The following GALNT17 variants were observed in gnomAD, a reference collection of about 807,000 sequenced individuals.
GALNT17 encodes polypeptide N-acetylgalactosaminyltransferase 17, also known as UDP-GalNAc:polypeptide N-acetylgalactosaminyltransferase-like 3.
In GALNT17, 29 loss-of-function variants were observed where a neutral mutation model predicts 63.7. The ratio of observed to expected loss-of-function variants is 0.46; its 90% CI spans 0.34 to 0.62. The LOEUF (loss-of-function observed/expected upper bound fraction) is 0.62, where lower values mean the gene tolerates loss of function less well. Ranked by LOEUF, GALNT17 falls within the 20% of genes least tolerant of loss-of-function variation. The probability of loss-of-function intolerance (pLI) is 0.01; values close to 1 mark genes in which losing one functional copy is unlikely to be tolerated. For synonymous variants in GALNT17, 305 were observed against 318.3 expected, an observed-to-expected ratio of 0.96 and a Z score of 0.45; for missense variants, 603 against 799.6, an observed-to-expected ratio of 0.75 and a Z score of 2.97.
chr7:71,611,530 C>T (rs529413197), intron 6 of GALNT17, among the ~76,000 whole-genome samples: 1 of 152,296 alleles, frequency 6.6e-6, no homozygotes, highest in East Asian at 1.9e-4. Context: ...TTAGGAATCT[C>T]TCTGCTCCTC....
chr7:71,307,827 G>A (rs1407804029), intron 1 of GALNT17: 1 of 152,450 alleles, frequency 6.6e-6, no homozygotes, highest in Non-Finnish European at 1.5e-5. Context: ...ATGCTTATGA[G>A]TGAAGCATTT....
At chr7:71,281,814 A>G (rs937683821) in intron 1 of GALNT17, among the ~76,000 whole-genome samples, 1 of 152,194 alleles carries the variant, frequency 6.6e-6, no homozygotes, top group African/African-American at 2.4e-5. Context: ...TGTGGGAACA[A>G]TTTATGGTTT....
chr7:71,247,481 AG>A (rs1437634073), intron 1 of GALNT17, among the ~76,000 whole-genome samples: 1 of 151,810 alleles, frequency 6.6e-6, no homozygotes, highest in Non-Finnish European at 1.5e-5. Context: ...TTTGAGATGG[AG>A]TCTTTTTCTG....
intron 2 of GALNT17, among the ~76,000 whole-genome samples, chr7:71,380,705 AGGCAAGGCTCTGAGGTGGGAGGAGGCT>A (rs1393718260): frequency 4.6e-5 from 7 of 152,186 alleles, no homozygotes; most frequent in Non-Finnish European, 8.8e-5. Context: ...GTGATGGACG[AGGCAAGGCTCTGAGGTGGGAGGAGGCT>A]GGGATCCACA....
chr7:71,180,051 G>A (rs1239850099), intron 1 of GALNT17, among the ~76,000 whole-genome samples: 2 of 152,156 alleles, frequency 1.3e-5, no homozygotes, highest in East Asian at 3.9e-4. Flanking sequence ...CTTATTTAAA[G>A]CATACAATTT....
At chr7:71,488,154 C>A (rs1424578937) in intron 5 of GALNT17, among the ~76,000 whole-genome samples, 1 of 138,700 alleles carries the variant, frequency 7.2e-6, no homozygotes, top group African/African-American at 2.7e-5. Flanking sequence ...GGCAACAGAG[C>A]AAGACCCTAT....
chr7:71,444,775 C>T (rs1324073677), intron 5 of GALNT17, among the ~76,000 whole-genome samples: 1 of 152,050 alleles, frequency 6.6e-6, no homozygotes, highest in African/African-American at 2.4e-5. Context: ...TGCAGTGAGG[C>T]GAGATGGTGT....
chr7:71,587,701 G>A (rs187404276), intron 6 of GALNT17, among the ~76,000 whole-genome samples: 9 of 151,488 alleles, frequency 5.9e-5, no homozygotes, highest in Non-Finnish European at 7.4e-5. Context: ...TTTTTGTACT[G>A]AAAACATTAA....
chr7:71,390,722 G>GC (rs957788456), intron 3 of GALNT17, among the ~76,000 whole-genome samples: 5 of 151,984 alleles, frequency 3.3e-5, no homozygotes, highest in African/African-American at 4.8e-5. Context: ...TGTTCCTGTG[G>GC]CCCCCTTCAT....
intron 4 of GALNT17, among the ~76,000 whole-genome samples, 186 bp from the exon 5 acceptor site, chr7:71,420,722 A>G (rs867125081): frequency 2.6e-5 from 4 of 152,188 alleles, no homozygotes; most frequent in South Asian, 2.1e-4. Flanking sequence ...CACACGCTTC[A>G]CAGCCCAGGA....
At chr7:71,423,266 C>T (rs553668587) in intron 5 of GALNT17, among the ~76,000 whole-genome samples, 1 of 152,326 alleles carries the variant, frequency 6.6e-6, no homozygotes, top group Admixed American at 6.5e-5. Flanking sequence ...CCAGCACTTC[C>T]CTGCCCCTGT....
intron 1 of GALNT17, among the ~76,000 whole-genome samples, chr7:71,230,780 C>T (rs369437204): frequency 6.6e-6 from 1 of 152,124 alleles, no homozygotes; most frequent in Non-Finnish European, 1.5e-5. Flanking sequence ...AGATCCCCTT[C>T]GTGAGCATGC....
intron 1 of GALNT17, among the ~76,000 whole-genome samples, chr7:71,202,761 A>T: frequency 6.6e-6 from 1 of 152,222 alleles, no homozygotes; most frequent in East Asian, 1.9e-4. Flanking sequence ...AACCTTTGTA[A>T]CAAAACCCCA....
intron 2 of GALNT17, among the ~76,000 whole-genome samples, chr7:71,338,815 CT>C (rs1176252508): frequency 6.6e-6 from 1 of 152,112 alleles, no homozygotes; most frequent in African/African-American, 2.4e-5. Context: ...AGTTAAGTGT[CT>C]TGGTTACTGA....
At chr7:71,271,002 A>G (rs1375731884) in intron 1 of GALNT17, among the ~76,000 whole-genome samples, 1 of 152,160 alleles carries the variant, frequency 6.6e-6, no homozygotes, top group Non-Finnish European at 1.5e-5. Context: ...TAGGAATTTC[A>G]TCATGACCCT....
chr7:71,142,923 AG>A (rs1221068919), intron 1 of GALNT17, among the ~76,000 whole-genome samples: 1 of 145,246 alleles, frequency 6.9e-6, no homozygotes, highest in African/African-American at 2.6e-5. Context: ...CCTGGGCGAC[AG>A]GGCGAGACTC....
intron 1 of GALNT17, among the ~76,000 whole-genome samples, chr7:71,296,286 C>A (rs907569238): frequency 1.3e-5 from 2 of 152,270 alleles, no homozygotes; most frequent in Non-Finnish European, 2.9e-5. Flanking sequence ...ATTTCTTACA[C>A]CTGCCCCACA....
chr7:71,708,506 A>T (rs1276748782), intron 9 of GALNT17, among the ~76,000 whole-genome samples: 1 of 152,170 alleles, frequency 6.6e-6, no homozygotes, highest in African/African-American at 2.4e-5. Flanking sequence ...TCAAGATGAG[A>T]TTTGGGTGGG....
chr7:71,235,641 A>C lies in GALNT17; in HGVS notation c.239-99909A>C, dbSNP rs185452129. 1.2e-3 allele frequency among the ~76,000 whole-genome samples: 190 copies of C among 152,334 alleles called. 1 individual carries two copies. The highest frequency in any genetic ancestry group is 0.011 in the Admixed American group (174 of 15,298). On this transcript the variant is annotated intron_variant, in intron 1 of 10. Transcript: ENST00000333538. ...TTTACTGAAAAGTCAGGCTTTTATC[A>C]ATCTCCCAGCACCGCATTCAGGCTC...
Sources: gnomAD v4.1 joint callset for allele counts (sites outside exome capture counted in the v4.1 genomes callset) on GRCh38, gnomAD v4.1.1 for gene constraint, MANE v1.5 for transcripts, NCBI Gene and HGNC (gene_info 2026-07-23, HGNC 2026-07-21) for gene names.